NCOA1: variants seen among roughly 807,000 people sequenced by gnomAD.
The protein encoded by NCOA1 is nuclear receptor coactivator 1, also known as Hin-2 protein.
In NCOA1, 35 loss-of-function variants were observed where a neutral mutation model predicts 150.9. The ratio of observed to expected loss-of-function variants is 0.23; its 90% confidence interval spans 0.18 to 0.31. The LOEUF (loss-of-function observed/expected upper bound fraction) is 0.31. NCOA1 is among the 10% of genes least tolerant of loss of function. NCOA1 has a pLI of 1.00. For synonymous variants in NCOA1, 590 were observed against 630.0 expected (o/e 0.94, Z 0.95); for missense variants, 1,491 against 1,749.3 (o/e 0.85, Z 2.63).
intron 1 of NCOA1, among the ~76,000 whole-genome samples, chr2:24,546,595 CCAAATTTGACA>C (rs1242319324): frequency 6.6e-6 from 1 of 152,004 alleles, no homozygotes; most frequent in Non-Finnish European, 1.5e-5. Flanking sequence ...AAACATGGAC[CCAAATTTGACA>C]CTTGGTGTTT....
chr2:24,503,384 A>G (rs1373436758), intron 1 of NCOA1, among the ~76,000 whole-genome samples: 1 of 152,188 alleles, frequency 6.6e-6, no homozygotes, highest in East Asian at 1.9e-4. Context: ...TCTTCTTAAC[A>G]GTGATGGGAA....
At chr2:24,714,617 A>G (rs1420929207) in intron 14 of NCOA1, among the ~76,000 whole-genome samples, 2 of 152,124 alleles carry the variant, frequency 1.3e-5, no homozygotes, top group African/African-American at 4.8e-5. Context: ...AGCAATAAAC[A>G]TGACATAGTA....
chr2:24,758,210 G>A (rs1480884571), intron 21 of NCOA1, 54 bp downstream of exon 21: 21 of 1,472,766 alleles, frequency 1.4e-5, no homozygotes, highest in Non-Finnish European at 4.6e-6. Context: ...TTAATTCTGA[G>A]GAAAATCAGG....
At chr2:24,584,941 T>C (rs1461374560) in intron 3 of NCOA1, among the ~76,000 whole-genome samples, 1 of 152,214 alleles carries the variant, frequency 6.6e-6, no homozygotes, top group Admixed American at 6.5e-5. Context: ...AAGAAACCGG[T>C]GTTCAAAATG....
At chr2:24,629,270 T>C (rs1669567280) in intron 3 of NCOA1, among the ~76,000 whole-genome samples, 1 of 152,148 alleles carries the variant, frequency 6.6e-6, no homozygotes, top group African/African-American at 2.4e-5. Flanking sequence ...TATTGAAATA[T>C]ACTAGTCTAT....
chr2:24,677,394 TTA>T lies in NCOA1; in HGVS notation c.354+3934_354+3935del, dbSNP rs1408869592. On this transcript the variant is annotated intron_variant, in intron 7 of 22. Coordinates refer to ENST00000348332, the MANE Select transcript of NCOA1 (RefSeq NM_003743.5). ...AAAAACAAACCTGAGACTGGGTAAT[TTA>T]TAAAGGAAAGAGGGATGTTTTTGTT... is the stretch of plus-strand genomic sequence containing the variant. Among the ~76,000 whole-genome samples, 5 of 152,060 alleles carry T rather than the reference TTA, an allele frequency of 3.3e-5. No individual in the cohort carries two copies. The East Asian group carries it at 9.7e-4, about 29-fold the overall frequency.
intron 6 of NCOA1, among the ~76,000 whole-genome samples, chr2:24,670,355 A>C (rs1372321266): frequency 2.0e-5 from 3 of 152,208 alleles, no homozygotes; most frequent in African/African-American, 7.2e-5. Flanking sequence ...ACCTGTCCAT[A>C]CAAAAAATTT....
At chr2:24,655,031 T>C (rs1670872004) in intron 4 of NCOA1, among the ~76,000 whole-genome samples, 1 of 152,232 alleles carries the variant, frequency 6.6e-6, no homozygotes, top group African/African-American at 2.4e-5. Context: ...GTATTATAAC[T>C]TACTTTTTAA....
intron 1 of NCOA1, among the ~76,000 whole-genome samples, chr2:24,519,539 G>A (rs772955335): frequency 5.9e-5 from 9 of 151,820 alleles, no homozygotes; most frequent in Middle Eastern, 3.4e-3. Flanking sequence ...AGAAAACACG[G>A]TTGGGCATGG....
At chr2:24,525,020 C>T (rs899399972) in intron 1 of NCOA1, among the ~76,000 whole-genome samples, 1 of 152,114 alleles carries the variant, frequency 6.6e-6, no homozygotes, top group Non-Finnish European at 1.5e-5. Flanking sequence ...AGGGCTAGTG[C>T]AGGGTACTAT....
intron 2 of NCOA1, among the ~76,000 whole-genome samples, chr2:24,582,460 C>T (rs1367580589): frequency 1.3e-5 from 2 of 152,074 alleles, no homozygotes; most frequent in Admixed American, 6.5e-5. Flanking sequence ...AGAGGTCCTA[C>T]AAAAAATGGA....
At chr2:24,635,771 A>T (rs1235989829) in intron 3 of NCOA1, among the ~76,000 whole-genome samples, 1 of 152,214 alleles carries the variant, frequency 6.6e-6, no homozygotes, top group East Asian at 1.9e-4. Context: ...CAATGGGCTA[A>T]TCTAACTATA....
At chr2:24,666,550 C>A (rs908221937) in intron 6 of NCOA1, among the ~76,000 whole-genome samples, 2 of 151,904 alleles carry the variant, frequency 1.3e-5, no homozygotes, top group African/African-American at 4.8e-5. Context: ...GCATAGAGTT[C>A]TTTAGGACAG....
At chr2:24,650,743 T>C (rs909790048) in intron 4 of NCOA1, among the ~76,000 whole-genome samples, 7 of 152,156 alleles carry the variant, frequency 4.6e-5, no homozygotes, top group African/African-American at 7.2e-5. Context: ...CAAGGAAATG[T>C]AAGTAAAAGC....
At chr2:24,699,505 T>A (rs1399240371) in intron 11 of NCOA1, among the ~76,000 whole-genome samples, 1 of 152,202 alleles carries the variant, frequency 6.6e-6, no homozygotes, top group East Asian at 1.9e-4. Flanking sequence ...AATGTAAGTA[T>A]AATCCAATAC....
chr2:24,689,617 C>T (rs1450710100), intron 8 of NCOA1, among the ~76,000 whole-genome samples: 2 of 152,148 alleles, frequency 1.3e-5, no homozygotes, highest in Non-Finnish European at 2.9e-5. Flanking sequence ...TGGTCTCGAT[C>T]TCTGACCTCA....
At chr2:24,599,114 G>A (rs183002429) in intron 3 of NCOA1, among the ~76,000 whole-genome samples, 2 of 152,018 alleles carry the variant, frequency 1.3e-5, no homozygotes, top group African/African-American at 4.8e-5. Flanking sequence ...TACTGATTTT[G>A]CCTAAATTGT....
intron 1 of NCOA1, among the ~76,000 whole-genome samples, chr2:24,558,607 G>C (rs573977355): frequency 1.7e-4 from 26 of 152,254 alleles, no homozygotes; most frequent in African/African-American, 6.0e-4. Flanking sequence ...GGGGAATTCT[G>C]GGAGATACAA....
rs539990724 is a variant in NCOA1, at chr2:24,759,928, CAATTATA to C, written c.4065+1784_4065+1790del. ...TGCAATTTATTATTTTTTCTTTAGTCAATTATAAATTATAAATTTATAAATTCTACTT... is the reference window on the plus strand; with the variant it reads ...TGCAATTTATTATTTTTTCTTTAGTCAATTATAAATTTATAAATTCTACTT... On this transcript the variant is annotated intron_variant, in intron 21 of 22. Transcript: ENST00000348332. Among the ~76,000 whole-genome samples, 107 of 151,508 alleles carry C rather than the reference CAATTATA, an allele frequency of 7.1e-4. 1 individual carries two copies. In the South Asian group the frequency reaches 8.9e-3, roughly 13 times the overall value.
Sources: allele counts gnomAD v4.1 joint callset (sites outside exome capture counted in the v4.1 genomes callset), GRCh38; gene constraint gnomAD v4.1.1; transcripts MANE v1.5; gene names NCBI Gene and HGNC (gene_info 2026-07-23, HGNC 2026-07-21).